TMEM45A: variants seen among roughly 807,000 people sequenced by gnomAD.
TMEM45A encodes DNA polymerase-transactivated protein 4.
A neutral mutation model predicts 32.0 loss-of-function variants in TMEM45A; 25 were observed. That is an observed-to-expected ratio of 0.78 (90% CI 0.57 to 1.09). TMEM45A has a LOEUF of 1.09. Among genes scored for constraint, TMEM45A ranks in the 50% least tolerant of loss-of-function variants. The pLI, the probability that TMEM45A is intolerant of heterozygous loss-of-function variation, is 0.00. For missense variants in TMEM45A, 302 were observed against 325.0 expected (o/e 0.93, Z 0.54); for synonymous variants, 122 against 114.8 (o/e 1.06, Z -0.40).
chr3:100,519,591 G>A (rs918882507), intron 1 of TMEM45A: 28 of 1,550,846 alleles, frequency 1.8e-5, no homozygotes, highest in Admixed American at 3.9e-5. Context: ...AGGGAAAATG[G>A]GATTTAAACA....
intron 4 of TMEM45A, among the ~76,000 whole-genome samples, chr3:100,562,038 C>G (rs1706346298): frequency 6.6e-6 from 1 of 152,178 alleles, no homozygotes; most frequent in Admixed American, 6.5e-5. Flanking sequence ...ATTGGATAAT[C>G]AGATAACAAC....
intron 1 of TMEM45A, among the ~76,000 whole-genome samples, chr3:100,526,643 A>T (rs1705550998): frequency 6.6e-6 from 1 of 152,208 alleles, no homozygotes. Context: ...AGATAGACTT[A>T]AGGCAAGTTA....
Position 100,527,393 on chromosome 3 carries a change from G to A in TMEM45A, c.-3-27816G>A, listed in dbSNP as rs560211541. 2.0e-5 allele frequency among the ~76,000 whole-genome samples: 3 copies of A among 152,254 alleles called. No individual in the cohort carries two copies. In the South Asian group the frequency reaches 6.2e-4, roughly 32 times the overall value. On this transcript the variant is annotated intron_variant, in intron 1 of 5. Coordinates refer to ENST00000323523, the MANE Select transcript of TMEM45A (RefSeq NM_018004.3). ...GGTGAATATAGTGCCATCATTCTCA[G>A]CTACCCTCATGATAGTCCTTCTTAC...
chr3:100,557,093 G>A, intron 3 of TMEM45A, 121 bp downstream of exon 3: 1 of 1,119,170 alleles, frequency 8.9e-7, no homozygotes, highest in Non-Finnish European at 1.3e-6. Context: ...ATATATCTGG[G>A]CCATAATGAA....
At chr3:100,534,261 A>G (rs552478155) in intron 1 of TMEM45A, among the ~76,000 whole-genome samples, 127 of 152,322 alleles carry the variant, frequency 8.3e-4, no homozygotes, top group Non-Finnish European at 1.5e-3. Context: ...ATTTTCTGGA[A>G]ACAGATAATA....
rs563555264 is a variant in TMEM45A at position 100,545,546 on chromosome 3, G to A, written c.-3-9663G>A. On this transcript the variant is annotated intron_variant, in intron 1 of 5. Transcript: ENST00000323523. ...TATTTATGCTCTTCCTTATGTCTAG[G>A]GTGACTCCTTTTTGTTCTACCTTTC... 5.9e-5 allele frequency among the ~76,000 whole-genome samples: 9 copies of A among 152,162 alleles called. No individual in the cohort carries two copies. The South Asian group carries it at 1.7e-3, about 28-fold the overall frequency.
At chr3:100,551,978 TG>T (rs1375578510) in intron 1 of TMEM45A, among the ~76,000 whole-genome samples, 2 of 152,114 alleles carry the variant, frequency 1.3e-5, no homozygotes, top group African/African-American at 4.8e-5. Flanking sequence ...CTCTCAGCTT[TG>T]GGGGCAGCAG....
chr3:100,537,820 C>A (rs1027046556), intron 1 of TMEM45A, among the ~76,000 whole-genome samples: 8 of 151,426 alleles, frequency 5.3e-5, no homozygotes, highest in Middle Eastern at 3.2e-3. Flanking sequence ...GTCAGCCCTG[C>A]TGATTCAGGT....
At chr3:100,501,929 A>G (rs1708013000) in intron 1 of TMEM45A, among the ~76,000 whole-genome samples, 1 of 152,204 alleles carries the variant, frequency 6.6e-6, no homozygotes, top group South Asian at 2.1e-4. Context: ...GTAAAAAAAT[A>G]TTACTTTTAA....
intron 4 of TMEM45A, among the ~76,000 whole-genome samples, chr3:100,568,552 C>A (rs1706491042): frequency 6.6e-6 from 1 of 152,188 alleles, no homozygotes; most frequent in Admixed American, 6.5e-5. Flanking sequence ...CCAAGACATT[C>A]TCTTAAAGTC....
At chr3:100,519,568 C>T (rs1705392052) in intron 1 of TMEM45A, 1 of 1,550,876 alleles carries the variant, frequency 6.4e-7, no homozygotes, top group Non-Finnish European at 8.7e-7. Context: ...CCAAGGATGA[C>T]CAATGACTCA....
chr3:100,571,728 T>A (rs1706563848), intron 5 of TMEM45A: 1 of 152,110 alleles, frequency 6.6e-6, no homozygotes, highest in African/African-American at 2.4e-5. Context: ...TAGGTATATC[T>A]CCTAATGCTA....
At chr3:100,514,700 T>C (rs547224788) in intron 1 of TMEM45A, among the ~76,000 whole-genome samples, 20 of 151,946 alleles carry the variant, frequency 1.3e-4, no homozygotes, top group Admixed American at 1.3e-3. Context: ...ACCTACAAAA[T>C]GGGAGAAAAT....
chr3:100,507,527 G>C (rs1451822039), intron 1 of TMEM45A, among the ~76,000 whole-genome samples: 1 of 152,154 alleles, frequency 6.6e-6, no homozygotes, highest in Admixed American at 6.5e-5. Flanking sequence ...TTTTAAAGGA[G>C]GGGGTCTTAA....
At chr3:100,524,276 A>C (rs928672832) in intron 1 of TMEM45A, among the ~76,000 whole-genome samples, 5 of 152,230 alleles carry the variant, frequency 3.3e-5, no homozygotes, top group African/African-American at 1.2e-4. Context: ...TCTCCAAACC[A>C]GTGTCCTCAT....
At chr3:100,555,770 T>A (rs1194287138) in intron 2 of TMEM45A, among the ~76,000 whole-genome samples, 1 of 152,334 alleles carries the variant, frequency 6.6e-6, no homozygotes, top group Admixed American at 6.5e-5. Flanking sequence ...CTCTCCATTA[T>A]AAAAGATAAA....
intron 1 of TMEM45A, among the ~76,000 whole-genome samples, chr3:100,502,118 C>A (rs559665301): frequency 6.6e-6 from 1 of 151,840 alleles, no homozygotes; most frequent in Non-Finnish European, 1.5e-5. Flanking sequence ...TCTTCATATC[C>A]AAATAGACCT....
intron 1 of TMEM45A, among the ~76,000 whole-genome samples, chr3:100,535,153 C>T (rs1338351340): frequency 6.6e-6 from 1 of 151,560 alleles, no homozygotes; most frequent in Non-Finnish European, 1.5e-5. Context: ...TGGAGTCTCA[C>T]TCTGTCACCC....
intron 4 of TMEM45A, among the ~76,000 whole-genome samples, chr3:100,568,166 T>A (rs1315007925): frequency 9.2e-5 from 14 of 152,252 alleles, no homozygotes; most frequent in African/African-American, 3.4e-4. Context: ...TTTTGTATCC[T>A]GCTATTATGC....
Sources: allele counts gnomAD v4.1 joint callset (sites outside exome capture counted in the v4.1 genomes callset), GRCh38; gene constraint gnomAD v4.1.1; transcripts MANE v1.5; gene names NCBI Gene and HGNC (gene_info 2026-07-23, HGNC 2026-07-21).